CAPS2: variants seen among roughly 807,000 people sequenced by gnomAD.
CAPS2 encodes the protein calcyphosine 2, also known as calcyphosin-2.
CAPS2 carries 98 observed loss-of-function variants against 86.5 expected under a neutral mutation model. The ratio of observed to expected loss-of-function variants is 1.13; its 90% confidence interval spans 0.96 to 1.34. The LOEUF (loss-of-function observed/expected upper bound fraction) is 1.34. CAPS2 is among the 40% of genes most tolerant of loss of function. The pLI, the probability that CAPS2 is intolerant of heterozygous loss-of-function variation, is 0.00. For synonymous variants in CAPS2, 210 were observed against 225.1 expected (o/e 0.93, Z 0.60); for missense variants, 729 against 686.8 (o/e 1.06, Z -0.69).
intron 1 of CAPS2, among the ~76,000 whole-genome samples, chr12:75,362,142 T>G (rs1237993159): frequency 6.6e-6 from 1 of 152,092 alleles, no homozygotes; most frequent in Non-Finnish European, 1.5e-5. Context: ...AAATAAAGGA[T>G]GTACCCTGGA....
At chr12:75,319,734 T>C (rs561470394) in intron 5 of CAPS2, among the ~76,000 whole-genome samples, 3 of 152,266 alleles carry the variant, frequency 2.0e-5, no homozygotes, top group Admixed American at 6.5e-5. Context: ...ATCCTAAATA[T>C]TTCTAATTTT....
At chr12:75,376,930 C>T (rs1441886004) in intron 1 of CAPS2, among the ~76,000 whole-genome samples, 2 of 152,076 alleles carry the variant, frequency 1.3e-5, no homozygotes, top group African/African-American at 2.4e-5. Flanking sequence ...AATTAGAATC[C>T]CTGAGCTCAT....
intron 2 of CAPS2, among the ~76,000 whole-genome samples, chr12:75,325,022 T>G (rs2040634068): frequency 6.6e-6 from 1 of 151,984 alleles, no homozygotes; most frequent in Non-Finnish European, 1.5e-5. Context: ...TTAAGGAAAA[T>G]AAAAAACCAA....
chr12:75,302,717 C>CA (rs1485886169), intron 8 of CAPS2, among the ~76,000 whole-genome samples: 1 of 152,148 alleles, frequency 6.6e-6, no homozygotes, highest in Non-Finnish European at 1.5e-5. Context: ...ACAGACAACT[C>CA]AACAGGCTTG....
At chr12:75,297,269 T>C (rs1057066657) in intron 11 of CAPS2, among the ~76,000 whole-genome samples, 2 of 152,210 alleles carry the variant, frequency 1.3e-5, no homozygotes, top group African/African-American at 4.8e-5. Flanking sequence ...CTGCAGGTTG[T>C]GAAATGGGAG....
chr12:75,339,871 C>A (rs1280478217), intron 1 of CAPS2, among the ~76,000 whole-genome samples: 1 of 152,038 alleles, frequency 6.6e-6, no homozygotes, highest in Non-Finnish European at 1.5e-5. Flanking sequence ...GTGCACCCAT[C>A]GCCCAAGCAG....
intron 6 of CAPS2, among the ~76,000 whole-genome samples, chr12:75,313,221 G>T (rs1231998888): frequency 6.6e-6 from 1 of 152,110 alleles, no homozygotes; most frequent in Non-Finnish European, 1.5e-5. Context: ...AGAGACTATG[G>T]CATCCTTCCA....
chr12:75,381,614 G>GT (rs34705874), intron 1 of CAPS2, among the ~76,000 whole-genome samples: 13,224 of 87,890 alleles, frequency 0.15, 1,593 homozygotes, highest in Admixed American at 0.18. Flanking sequence ...TTTCTTAAGT[G>GT]TTTTTTTTTT....
At chr12:75,321,812 T>C (rs1368715636) in intron 4 of CAPS2, among the ~76,000 whole-genome samples, 2 of 152,052 alleles carry the variant, frequency 1.3e-5, no homozygotes, top group Non-Finnish European at 2.9e-5. Flanking sequence ...CCAGTAAGCT[T>C]ATACCTTGTT....
chr12:75,304,673 G>T, intron 8 of CAPS2, 84 bp downstream of exon 8: 1 of 1,029,714 alleles, frequency 9.7e-7, no homozygotes, highest in Non-Finnish European at 1.3e-6. Flanking sequence ...AAACACAAAA[G>T]CTCCAGCTAG....
At chr12:75,383,995 C>G (rs1017411957) in intron 1 of CAPS2, among the ~76,000 whole-genome samples, 6 of 151,864 alleles carry the variant, frequency 4.0e-5, no homozygotes, top group Admixed American at 1.3e-4. Flanking sequence ...AACAACTTGG[C>G]AAAATTTGTG....
upstream of CAPS2, among the ~76,000 whole-genome samples, chr12:75,331,891 G>T (rs1392272722): frequency 6.6e-6 from 1 of 152,124 alleles, no homozygotes; most frequent in African/African-American, 2.4e-5. Flanking sequence ...AGTTATAAAA[G>T]AACTTAAAAA....
At chr12:75,381,309 G>C (rs887632766) in intron 1 of CAPS2, among the ~76,000 whole-genome samples, 1 of 152,096 alleles carries the variant, frequency 6.6e-6, no homozygotes, top group Non-Finnish European at 1.5e-5. Context: ...CTAGCCATGC[G>C]GAACCGTACT....
intron 2 of CAPS2, among the ~76,000 whole-genome samples, chr12:75,325,010 T>C (rs956817359): frequency 3.2e-4 from 49 of 152,078 alleles, no homozygotes; most frequent in African/African-American, 1.1e-3. Flanking sequence ...ATGTAAAACA[T>C]ATTAAGGAAA....
intron 1 of CAPS2, among the ~76,000 whole-genome samples, chr12:75,353,506 G>A (rs1229549390): frequency 6.6e-6 from 1 of 152,144 alleles, no homozygotes; most frequent in Non-Finnish European, 1.5e-5. Context: ...GTAATGAACA[G>A]CCTATCAACC....
At chr12:75,329,546 T>C (rs1420434416), upstream of CAPS2, among the ~76,000 whole-genome samples, 2 of 151,880 alleles carry the variant, frequency 1.3e-5, no homozygotes, top group Admixed American at 1.3e-4. Flanking sequence ...GGTAGTAATA[T>C]TACTGGCTAT....
intron 8 of CAPS2, among the ~76,000 whole-genome samples, chr12:75,302,656 G>A (rs547412290): frequency 6.6e-6 from 1 of 152,168 alleles, no homozygotes; most frequent in South Asian, 2.1e-4. Flanking sequence ...AGTTGAAAAA[G>A]GATTCATTTC....
At chr12:75,302,890 T>C (rs1262381331) in intron 8 of CAPS2, among the ~76,000 whole-genome samples, 1 of 152,142 alleles carries the variant, frequency 6.6e-6, no homozygotes. Flanking sequence ...GGCAAAGATA[T>C]GGTGCAACAA....
At chr12:75,298,615 C>T (rs2037289186) in intron 11 of CAPS2, 72 bp downstream of exon 11, 10 of 1,141,712 alleles carry the variant, frequency 8.8e-6, no homozygotes, top group Non-Finnish European at 1.3e-5. Context: ...AAGCCCTACT[C>T]CTCCACCTCC....
Sources: allele counts gnomAD v4.1 joint callset (sites outside exome capture counted in the v4.1 genomes callset), GRCh38; gene constraint gnomAD v4.1.1; transcripts MANE v1.5; gene names NCBI Gene and HGNC (gene_info 2026-07-23, HGNC 2026-07-21).